TSPAN11: variants seen among roughly 807,000 people sequenced by gnomAD.
TSPAN11 encodes tetraspanin 11.
A neutral mutation model predicts 32.9 loss-of-function variants in TSPAN11; 29 were observed. That is an observed-to-expected ratio of 0.88 (90% confidence interval 0.66 to 1.20). The LOEUF is 1.20. Among genes scored for constraint, TSPAN11 ranks in the 50% most tolerant of loss-of-function variants. The pLI, the probability that TSPAN11 is intolerant of heterozygous loss-of-function variation, is 0.00. For synonymous variants in TSPAN11, 140 were observed against 141.3 expected, an observed-to-expected ratio of 0.99 and a Z score of 0.07; for missense variants, 283 against 329.1, an observed-to-expected ratio of 0.86 and a Z score of 1.08.
At chr12:30,936,165 C>A (rs567415038) in intron 1 of TSPAN11, among the ~76,000 whole-genome samples, 1 of 147,628 alleles carries the variant, frequency 6.8e-6, no homozygotes, top group East Asian at 1.9e-4. Context: ...TGGCACATAC[C>A]TTCTCTGTCA....
At chr12:30,926,944 G>A (rs1937808662) in intron 1 of TSPAN11, 148 bp downstream of exon 1, 16 of 1,280,840 alleles carry the variant, frequency 1.2e-5, no homozygotes, top group African/African-American at 1.5e-5. Context: ...GAGGGAAGCC[G>A]GCTGGGGATG....
At chr12:30,958,790 G>A (rs1315026741) in intron 2 of TSPAN11, among the ~76,000 whole-genome samples, 1 of 152,170 alleles carries the variant, frequency 6.6e-6, no homozygotes, top group Non-Finnish European at 1.5e-5. Context: ...GGCAGGGGCA[G>A]TGGCAGTGTC....
chr12:30,934,757 AC>A (rs958605004), intron 1 of TSPAN11, among the ~76,000 whole-genome samples: 2 of 151,836 alleles, frequency 1.3e-5, no homozygotes, highest in African/African-American at 4.8e-5. Context: ...AACATTAGAC[AC>A]CCCTGCTCTA....
chr12:30,970,454 G>A (rs148186646), intron 3 of TSPAN11, among the ~76,000 whole-genome samples: 17 of 152,302 alleles, frequency 1.1e-4, no homozygotes, highest in African/African-American at 3.8e-4. Flanking sequence ...CATTTGGGCT[G>A]GGACATTGAA....
rs568757096 is a variant in TSPAN11, at chr12:30,982,469, C to G, written c.457-63C>G. 2.6e-6 allele frequency: 4 copies of G among 1,551,644 alleles called. No homozygotes were observed. The South Asian group carries it at 4.9e-5, about 19-fold the overall frequency. On this transcript the variant is annotated intron_variant, in intron 5 of 7. Coordinates refer to ENST00000546076, the MANE Select transcript of TSPAN11 (RefSeq NM_001370302.1). ...TGGGTTAGTATTTGAATAATGTGTC[C>G]TGCAGCCTGGGACCCTACGCAGGCC...
At chr12:30,988,096 C>T (rs993228773) in intron 7 of TSPAN11, among the ~76,000 whole-genome samples, 2 of 152,206 alleles carry the variant, frequency 1.3e-5, no homozygotes, top group Non-Finnish European at 1.5e-5. Flanking sequence ...TCCGGGAGTG[C>T]ACCTATCCCC....
the TSPAN11 span, among the ~76,000 whole-genome samples, chr12:31,008,253 T>C: frequency 6.6e-6 from 1 of 152,148 alleles, no homozygotes; most frequent in East Asian, 1.9e-4. Flanking sequence ...CCTTTAAATA[T>C]TTGAAGGTAT....
chr12:30,976,508 GA>G (rs1938974834), intron 3 of TSPAN11, among the ~76,000 whole-genome samples: 1 of 152,080 alleles, frequency 6.6e-6, no homozygotes, highest in African/African-American at 2.4e-5. Context: ...CCTCAAGCAG[GA>G]GGACCATCCA....
At chr12:31,010,068 G>A in the TSPAN11 span, among the ~76,000 whole-genome samples, 4 of 152,204 alleles carry the variant, frequency 2.6e-5, no homozygotes. Flanking sequence ...GCCTCCGTAA[G>A]AGTGGCCCCA....
intron 7 of TSPAN11, among the ~76,000 whole-genome samples, chr12:30,985,444 C>T (rs1232273931): frequency 1.3e-5 from 2 of 152,194 alleles, no homozygotes; most frequent in Non-Finnish European, 2.9e-5. Context: ...CCATCATTCT[C>T]ACTCAGCTGC....
At chr12:30,932,137 A>T (rs763871740) in intron 1 of TSPAN11, among the ~76,000 whole-genome samples, 10 of 152,074 alleles carry the variant, frequency 6.6e-5, no homozygotes, top group Non-Finnish European at 1.3e-4. Flanking sequence ...CTCAAAATGC[A>T]GGAAAAGATA....
chr12:30,977,305 C>T (rs535591640), intron 3 of TSPAN11, among the ~76,000 whole-genome samples: 3 of 152,290 alleles, frequency 2.0e-5, no homozygotes, highest in East Asian at 1.9e-4. Context: ...CGCCGCCACC[C>T]GCCACCGTAT....
At chr12:30,948,745 C>T in intron 1 of TSPAN11, among the ~76,000 whole-genome samples, 1 of 152,172 alleles carries the variant, frequency 6.6e-6, no homozygotes, top group East Asian at 1.9e-4. Context: ...AGATATTTTC[C>T]CCATTGTCTT....
intron 7 of TSPAN11, among the ~76,000 whole-genome samples, chr12:30,983,667 C>A (rs1188063458): frequency 6.6e-6 from 1 of 152,082 alleles, no homozygotes; most frequent in East Asian, 1.9e-4. Context: ...TGAATTCAAC[C>A]AACTGTAGAT....
rs181098526 is a variant in TSPAN11 at position 30,990,406 on chromosome 12, T to A, written c.703-1450T>A. 1.4e-4 allele frequency among the ~76,000 whole-genome samples: 22 copies of A among 152,266 alleles called. No individual in the cohort carries two copies. The East Asian group carries it at 4.3e-3, about 29-fold the overall frequency. On this transcript the variant is annotated intron_variant, in intron 7 of 7. Coordinates refer to ENST00000546076, the MANE Select transcript of TSPAN11 (RefSeq NM_001370302.1). ...GGCCTCCCTCTTAGCACAGATAAGA[T>A]CCAGAAAATCCCACAGGAAAATCAT... is the stretch of plus-strand genomic sequence containing the variant.
At chr12:30,984,377 C>T (rs55916253) in intron 7 of TSPAN11, among the ~76,000 whole-genome samples, 2 of 151,970 alleles carry the variant, frequency 1.3e-5, no homozygotes, top group South Asian at 4.1e-4. Flanking sequence ...AAGAATGAGG[C>T]GATGCCTGCA....
chr12:30,974,061 A>C (rs1384180427), intron 3 of TSPAN11, among the ~76,000 whole-genome samples: 1 of 152,176 alleles, frequency 6.6e-6, no homozygotes, highest in Non-Finnish European at 1.5e-5. Flanking sequence ...GGCTTCCCTG[A>C]TCCTTCCTTT....
chr12:30,965,262 C>A (rs12316889), intron 3 of TSPAN11, among the ~76,000 whole-genome samples: 2,546 of 152,322 alleles, frequency 0.017, 76 homozygotes, highest in African/African-American at 0.058. Context: ...CGGCTCTGCA[C>A]CTGTTAGCAA....
intron 2 of TSPAN11, among the ~76,000 whole-genome samples, chr12:30,963,396 G>A (rs561146451): frequency 6.6e-6 from 1 of 152,348 alleles, no homozygotes; most frequent in South Asian, 2.1e-4. Context: ...GTGCTCGAAC[G>A]AGCCCCACCA....
Sources: allele counts gnomAD v4.1 joint callset (sites outside exome capture counted in the v4.1 genomes callset), GRCh38; gene constraint gnomAD v4.1.1; transcripts MANE v1.5; gene names NCBI Gene and HGNC (gene_info 2026-07-23, HGNC 2026-07-21).